The following SHISA9 variants were observed in gnomAD, a reference collection of about 807,000 sequenced individuals.
SHISA9 encodes the protein protein shisa-9.
Under a neutral mutation model 38.0 loss-of-function variants are expected in SHISA9, and 13 were observed. The ratio of observed to expected loss-of-function variants is 0.34; its 90% confidence interval spans 0.22 to 0.54. The LOEUF (loss-of-function observed/expected upper bound fraction) is 0.54, where lower values mean the gene tolerates loss of function less well. Ranked by LOEUF, SHISA9 falls within the 20% of genes least tolerant of loss-of-function variation. SHISA9 has a pLI of 0.91. For synonymous variants in SHISA9, 275 were observed against 242.0 expected, an observed-to-expected ratio of 1.14 and a Z score of -1.27; for missense variants, 538 against 575.8, an observed-to-expected ratio of 0.93 and a Z score of 0.67.
chr16:13,211,158 G>A (rs1030831394), intron 3 of SHISA9, among the ~76,000 whole-genome samples: 44 of 152,062 alleles, frequency 2.9e-4, no homozygotes, highest in African/African-American at 9.7e-4. Context: ...TTAGCCAGGT[G>A]TGGTGCTGCT....
chr16:13,074,961 G>A (rs2073564225), intron 2 of SHISA9, among the ~76,000 whole-genome samples: 1 of 152,040 alleles, frequency 6.6e-6, no homozygotes, highest in Non-Finnish European at 1.5e-5. Context: ...ACCGTGCCTG[G>A]CCATTACTAT....
chr16:13,368,701 T>C, the SHISA9 span, among the ~76,000 whole-genome samples: 1 of 150,904 alleles, frequency 6.6e-6, no homozygotes, highest in African/African-American at 2.4e-5. Flanking sequence ...ATAAAATGCA[T>C]TTGATTGGAG....
At chr16:13,422,117 C>T in the SHISA9 span, among the ~76,000 whole-genome samples, 1 of 152,178 alleles carries the variant, frequency 6.6e-6, no homozygotes, top group Non-Finnish European at 1.5e-5. Context: ...CTCTCAAAAA[C>T]ACAGGTCACC....
rs548660653 is a variant in SHISA9, at chr16:12,916,336, A to C, written c.564-352A>C. Among the ~76,000 whole-genome samples the C allele has an allele frequency of 4.6e-5, 7 of 152,328 alleles. No individual in the cohort carries two copies. In the East Asian group the frequency reaches 9.6e-4, roughly 21 times the overall value. On this transcript the variant is annotated intron_variant, in intron 1 of 4. Coordinates refer to ENST00000558583, the MANE Select transcript of SHISA9 (RefSeq NM_001145204.3). Reference sequence around the variant, plus strand: ...TACTAATACTGGGCCATTGCTGTACATGAAGAGTTTGTATCTAGTGTTAGA... The same window carrying C: ...TACTAATACTGGGCCATTGCTGTACCTGAAGAGTTTGTATCTAGTGTTAGA...
At chr16:13,148,603 A>G (rs144761459) in intron 2 of SHISA9, among the ~76,000 whole-genome samples, 19 of 152,012 alleles carry the variant, frequency 1.2e-4, no homozygotes, top group Non-Finnish European at 1.9e-4. Flanking sequence ...ACCTATGTCT[A>G]TATTCATATG....
intron 2 of SHISA9, among the ~76,000 whole-genome samples, chr16:12,937,917 G>GTGAGCTGAGCCTGGAGGAT (rs1209290999): frequency 6.6e-6 from 1 of 152,166 alleles, no homozygotes; most frequent in Non-Finnish European, 1.5e-5. Context: ...CCCTTTTGCT[G>GTGAGCTGAGCCTGGAGGAT]TGAGCTGAGC....
chr16:13,543,306 A>G, the SHISA9 span, among the ~76,000 whole-genome samples: 4 of 152,344 alleles, frequency 2.6e-5, no homozygotes, highest in African/African-American at 9.6e-5. Flanking sequence ...TACAGTGGTC[A>G]TGGTAGGGCT....
intron 2 of SHISA9, among the ~76,000 whole-genome samples, chr16:13,100,162 A>C (rs993801167): frequency 2.9e-4 from 44 of 152,246 alleles, no homozygotes; most frequent in African/African-American, 1.0e-3. Flanking sequence ...TGCAGATTTT[A>C]ACATATAATT....
intron 2 of SHISA9, among the ~76,000 whole-genome samples, chr16:12,938,674 T>C: frequency 6.6e-6 from 1 of 152,028 alleles, no homozygotes; most frequent in African/African-American, 2.4e-5. Flanking sequence ...ATTTTTTTTT[T>C]GTATTTTTAG....
At chr16:13,502,506 C>T in the SHISA9 span, among the ~76,000 whole-genome samples, 2 of 152,250 alleles carry the variant, frequency 1.3e-5, no homozygotes, top group Non-Finnish European at 1.5e-5. Context: ...TGCGTCTGGG[C>T]ACAGTACTAG....
the SHISA9 span, among the ~76,000 whole-genome samples, chr16:13,362,824 C>G: frequency 2.0e-5 from 3 of 152,216 alleles, no homozygotes; most frequent in African/African-American, 7.2e-5. Context: ...ATTTAGCTTT[C>G]TCTTTCATTG....
the SHISA9 span, among the ~76,000 whole-genome samples, chr16:13,387,041 C>G: frequency 2.0e-5 from 3 of 152,162 alleles, no homozygotes; most frequent in African/African-American, 7.2e-5. Context: ...GTGCCTTCCC[C>G]TCCAGCAATA....
chr16:13,150,257 C>T (rs1456603160), intron 2 of SHISA9, among the ~76,000 whole-genome samples: 1 of 152,080 alleles, frequency 6.6e-6, no homozygotes, highest in Admixed American at 6.6e-5. Flanking sequence ...GCATGCACTG[C>T]CATCCTCTCC....
intron 2 of SHISA9, among the ~76,000 whole-genome samples, chr16:12,921,611 T>C (rs140693015): frequency 6.6e-6 from 1 of 152,032 alleles, no homozygotes; most frequent in Non-Finnish European, 1.5e-5. Flanking sequence ...AAAGTAAAAA[T>C]AATTTGAAAA....
chr16:13,418,529 C>A, the SHISA9 span, among the ~76,000 whole-genome samples: 3 of 152,160 alleles, frequency 2.0e-5, no homozygotes, highest in Non-Finnish European at 4.4e-5. Context: ...ACTGGCACTG[C>A]TTCTCCTCCG....
intron 3 of SHISA9, 124 bp from the exon 4 acceptor site, chr16:13,213,129 C>T: frequency 1.3e-6 from 1 of 772,470 alleles, no homozygotes; most frequent in Non-Finnish European, 2.2e-6. Context: ...CCTGGGTCCC[C>T]TGAGGCCTGT....
chr16:13,170,900 A>C (rs1596699500), intron 2 of SHISA9, among the ~76,000 whole-genome samples: 1 of 151,928 alleles, frequency 6.6e-6, no homozygotes, highest in South Asian at 2.1e-4. Context: ...CAGGTCATCC[A>C]CCCGCCTTGG....
At chr16:13,433,773 T>A in the SHISA9 span, among the ~76,000 whole-genome samples, 2 of 152,190 alleles carry the variant, frequency 1.3e-5, no homozygotes, top group Non-Finnish European at 2.9e-5. Context: ...GGAGGAAGGA[T>A]TTGTCCACTG....
At chr16:13,162,607 G>A (rs956166952) in intron 2 of SHISA9, among the ~76,000 whole-genome samples, 2 of 152,158 alleles carry the variant, frequency 1.3e-5, no homozygotes, top group African/African-American at 2.4e-5. Flanking sequence ...CAAATGGAAC[G>A]GGAAATAAGT....
Sources: allele counts gnomAD v4.1 joint callset (sites outside exome capture counted in the v4.1 genomes callset), GRCh38; gene constraint gnomAD v4.1.1; transcripts MANE v1.5; gene names NCBI Gene and HGNC (gene_info 2026-07-23, HGNC 2026-07-21).